Variants in ARHGEF3 observed in about 807,000 individuals in gnomAD.
ARHGEF3 encodes Rho guanine nucleotide exchange factor 3, also known as 59.8 kDA protein.
A neutral mutation model predicts 63.2 loss-of-function variants in ARHGEF3; 28 were observed. The observed-to-expected ratio is 0.44, with a 90% confidence interval of 0.33 to 0.61. The LOEUF (loss-of-function observed/expected upper bound fraction) is 0.61, where lower values mean the gene tolerates loss of function less well. ARHGEF3 is among the 20% of genes least tolerant of loss of function. The pLI, the probability that ARHGEF3 is intolerant of heterozygous loss-of-function variation, is 0.03. For missense variants in ARHGEF3, 533 were observed against 659.3 expected (o/e 0.81, Z 2.10); for synonymous variants, 266 against 254.2 (o/e 1.05, Z -0.44).
chr3:56,962,696 G>A (rs1578963240), intron 2 of ARHGEF3, among the ~76,000 whole-genome samples: 2 of 152,142 alleles, frequency 1.3e-5, no homozygotes, highest in East Asian at 3.9e-4. Context: ...CAAAAGGTGG[G>A]AAAGAAAAGC....
Position 56,728,331 on chromosome 3 carries a change from A to G in ARHGEF3, c.*939T>C, listed in dbSNP as rs1474465867. On this transcript the variant is annotated 3_prime_UTR_variant, in exon 10 of 10. Transcript: ENST00000296315. ...AGAAGGTTCTGACGAAGTGCTTTTC[A>G]TTCCAAATTCTTCCTCTCCTGTGTT... 6.6e-6 allele frequency: 1 copy of G among 152,650 alleles called. No individual in the cohort carries two copies. The highest frequency in any genetic ancestry group is 1.5e-5 in the Non-Finnish European group (1 of 68,064). The allele number at this position is 152,650 out of a possible 1,614,324, so 9.5% of individuals were successfully genotyped here. A position where few individuals can be genotyped will look rare whatever the true frequency, so the allele number is the denominator to read the frequency against.
intron 4 of ARHGEF3, among the ~76,000 whole-genome samples, chr3:56,843,449 TAGAG>T (rs1559985514): frequency 2.0e-5 from 3 of 146,610 alleles, no homozygotes; most frequent in African/African-American, 7.5e-5. Flanking sequence ...TTTTTTTTTA[TAGAG>T]AAAGGGTTTC....
intron 4 of ARHGEF3, among the ~76,000 whole-genome samples, chr3:56,850,522 CT>C (rs2039641135): frequency 6.6e-6 from 1 of 152,084 alleles, no homozygotes; most frequent in African/African-American, 2.4e-5. Flanking sequence ...GAGTAAAACT[CT>C]TGTCTAAACA....
At chr3:57,025,187 C>T (rs1703422693) in intron 2 of ARHGEF3, among the ~76,000 whole-genome samples, 1 of 152,164 alleles carries the variant, frequency 6.6e-6, no homozygotes, top group East Asian at 1.9e-4. Flanking sequence ...AAATACAGTG[C>T]TTTAGCCAGG....
At chr3:56,786,807 A>G (rs2036843154) in intron 1 of ARHGEF3, among the ~76,000 whole-genome samples, 3 of 152,188 alleles carry the variant, frequency 2.0e-5, no homozygotes, top group African/African-American at 7.2e-5. Flanking sequence ...GCTAGTTTCA[A>G]TTCCAAAGAG....
intron 1 of ARHGEF3, among the ~76,000 whole-genome samples, chr3:56,800,564 G>A (rs2037589190): frequency 6.6e-6 from 1 of 152,206 alleles, no homozygotes; most frequent in Admixed American, 6.5e-5. Context: ...TCTTGCTAGA[G>A]GAAATGAATC....
intron 2 of ARHGEF3, among the ~76,000 whole-genome samples, chr3:57,002,479 T>TATATATATA (rs1285310560): frequency 2.3e-4 from 9 of 39,454 alleles, no homozygotes; most frequent in African/African-American, 9.0e-4. Context: ...TATATATATG[T>TATATATATA]TATATATATA....
At chr3:57,001,304 G>A (rs1345169831) in intron 2 of ARHGEF3, among the ~76,000 whole-genome samples, 3 of 152,188 alleles carry the variant, frequency 2.0e-5, no homozygotes, top group African/African-American at 7.2e-5. Context: ...GCATGCAGGT[G>A]ATAACTGCTC....
chr3:56,969,479 G>C (rs1700810915), intron 2 of ARHGEF3, among the ~76,000 whole-genome samples: 1 of 151,990 alleles, frequency 6.6e-6, no homozygotes, highest in Non-Finnish European at 1.5e-5. Context: ...CTATTGAAAA[G>C]GTACATATAA....
chr3:56,874,171 A>T (rs368046309), intron 4 of ARHGEF3, among the ~76,000 whole-genome samples: 29 of 152,338 alleles, frequency 1.9e-4, no homozygotes, highest in African/African-American at 6.7e-4. Context: ...CATTGGACCA[A>T]ACATAGGGTA....
intron 3 of ARHGEF3, among the ~76,000 whole-genome samples, chr3:56,903,186 G>C (rs970628421): frequency 2.6e-5 from 4 of 152,130 alleles, no homozygotes; most frequent in Non-Finnish European, 1.5e-5. Context: ...GTACAGAATG[G>C]AGGTAGGGGT....
intron 1 of ARHGEF3, among the ~76,000 whole-genome samples, chr3:57,041,266 G>A (rs1429654241): frequency 5.3e-5 from 8 of 152,122 alleles, no homozygotes; most frequent in African/African-American, 1.7e-4. Flanking sequence ...AGTGCTCCTC[G>A]TGCATTATCT....
At position 56,755,128 on chromosome 3, in the gene ARHGEF3, C is replaced by T; in HGVS notation, c.228G>A (p.Glu76=). 6.2e-7 allele frequency: 1 copy of T among 1,613,772 alleles called. No individual in the cohort carries two copies. The highest frequency in any genetic ancestry group is 8.5e-7 in the Non-Finnish European group (1 of 1,180,018). The change falls in exon 3 of 10, where the codon GAG becomes GAA. Residue 76 remains glutamate (E), a synonymous_variant. Coordinates refer to ENST00000296315, the MANE Select transcript of ARHGEF3 (RefSeq NM_019555.3). ...GGGGGGCGAGGATGTCAGGGCGGCT[C>T]TCACTGCGGAAGCTAATGGAGCGCT... ...TLQRSISFRS[E]SRPDILAPRP...
At chr3:56,943,326 G>C (rs550958273) in intron 3 of ARHGEF3, among the ~76,000 whole-genome samples, 1 of 152,202 alleles carries the variant, frequency 6.6e-6, no homozygotes, top group African/African-American at 2.4e-5. Context: ...TAAGAATGAT[G>C]CTAAATCTAC....
At chr3:56,839,650 C>A (rs1246956223) in intron 4 of ARHGEF3, among the ~76,000 whole-genome samples, 1 of 152,148 alleles carries the variant, frequency 6.6e-6, no homozygotes, top group African/African-American at 2.4e-5. Flanking sequence ...AGAATGAGGT[C>A]TTGGTTGTCT....
intron 8 of ARHGEF3, among the ~76,000 whole-genome samples, chr3:56,735,959 T>C (rs2033592728): frequency 6.6e-6 from 1 of 152,026 alleles, no homozygotes; most frequent in Non-Finnish European, 1.5e-5. Context: ...AGTTCTAGCT[T>C]TCATTCTAAG....
In ARHGEF3 at chr3:57,020,974, A is replaced by G. The variant is rs566742902; in HGVS notation, c.62+14114T>C. On this transcript the variant is annotated intron_variant, in intron 2 of 12. Transcript: ENST00000338458. ...GCATTCAATAAATGTAAGTTGGTCT[A>G]ATGGATGAATGGTTTGTTCATTTCC... Among the ~76,000 whole-genome samples the G allele has an allele frequency of 1.0e-3, 153 of 152,388 alleles. 1 individual carries two copies. Among genetic ancestry groups the G allele is most frequent in the Non-Finnish European group, 1.9e-3 (130 of 68,040 alleles).
intron 4 of ARHGEF3, among the ~76,000 whole-genome samples, chr3:56,819,510 A>C (rs1578596117): frequency 7.0e-6 from 1 of 142,906 alleles, no homozygotes. Flanking sequence ...ACCAGGTGGC[A>C]GTTTTTTTTT....
intron 2 of ARHGEF3, among the ~76,000 whole-genome samples, chr3:57,032,136 C>T (rs1703758710): frequency 6.6e-6 from 1 of 152,130 alleles, no homozygotes. Flanking sequence ...AGTTTATGCA[C>T]TCCCCATAAG....
Sources: allele counts gnomAD v4.1 joint callset (sites outside exome capture counted in the v4.1 genomes callset), GRCh38; gene constraint gnomAD v4.1.1; transcripts MANE v1.5; gene names NCBI Gene and HGNC (gene_info 2026-07-23, HGNC 2026-07-21).